Variants in USH2A observed in about 807,000 individuals in gnomAD.
The protein encoded by USH2A is Usher syndrome 2A (autosomal recessive, mild).
A neutral mutation model predicts 538.9 loss-of-function variants in USH2A; 443 were observed. That is an observed-to-expected ratio of 0.82 (90% confidence interval 0.76 to 0.89). The LOEUF (loss-of-function observed/expected upper bound fraction) is 0.89. USH2A is among the 40% of genes least tolerant of loss of function. The pLI, the probability that USH2A is intolerant of heterozygous loss-of-function variation, is 0.00. For missense variants in USH2A, 6,633 were observed against 6,324.8 expected, an observed-to-expected ratio of 1.05 and a Z score of -1.65; for synonymous variants, 2,413 against 2,273.5, an observed-to-expected ratio of 1.06 and a Z score of -1.75.
chr1:215,845,694 T>A (rs1663820021), intron 45 of USH2A, 130 bp downstream of exon 45: 7 of 929,906 alleles, frequency 7.5e-6, no homozygotes, highest in Non-Finnish European at 1.2e-5. Context: ...CTTAAGCATT[T>A]TAGCCTCCAC....
At chr1:215,640,439 G>C in intron 68 of USH2A, 119 bp downstream of exon 68, 3 of 1,303,586 alleles carry the variant, frequency 2.3e-6, no homozygotes, top group Non-Finnish European at 3.3e-6. Context: ...CAAGAAGGGG[G>C]CACTTAAACC....
intron 14 of USH2A, among the ~76,000 whole-genome samples, chr1:216,224,756 G>C (rs922395085): frequency 2.6e-5 from 4 of 152,082 alleles, no homozygotes; most frequent in African/African-American, 9.7e-5. Flanking sequence ...CCAACAAATA[G>C]AGCATGAAGA....
intron 61 of USH2A, among the ~76,000 whole-genome samples, chr1:215,703,334 A>T (rs1659087519): frequency 6.6e-6 from 1 of 152,170 alleles, no homozygotes; most frequent in African/African-American, 2.4e-5. Flanking sequence ...AGCGGAGCTC[A>T]AGTGCTGTGC....
chr1:215,867,633 C>T (rs143451349), intron 43 of USH2A, among the ~76,000 whole-genome samples: 30 of 152,288 alleles, frequency 2.0e-4, no homozygotes, highest in African/African-American at 6.5e-4. Flanking sequence ...TCTTCCGATA[C>T]CTATGCTTCT....
chr1:216,040,150 C>T lies in USH2A; in HGVS notation c.6325+6281G>A, dbSNP rs1319469474. Among the ~76,000 whole-genome samples the T allele has an allele frequency of 2.6e-5, 4 of 151,652 alleles. No homozygotes were observed. In the South Asian group the frequency reaches 6.2e-4, roughly 24 times the overall value. ...CTGCCTCAGTCTTAGTGATAGAAAT[C>T]CAGGTCCTGATGGAACAGCAGTGGG... is the stretch of plus-strand genomic sequence containing the variant. On this transcript the variant is annotated intron_variant, in intron 32 of 71. Coordinates refer to ENST00000307340, the MANE Select transcript of USH2A (RefSeq NM_206933.4).
At chr1:216,357,987 T>C (rs1341197672) in intron 4 of USH2A, among the ~76,000 whole-genome samples, 2 of 152,178 alleles carry the variant, frequency 1.3e-5, no homozygotes, top group African/African-American at 4.8e-5. Context: ...TTTCTATTTG[T>C]ATACATAAAA....
chr1:215,640,633 C>T lies in USH2A; in HGVS notation c.14893G>A (p.Val4965Met), dbSNP rs149289393. Reference protein sequence around the residue: ...FLLNGQLKEYVLTDGGRRVYS... With the variant: ...FLLNGQLKEYMLTDGGRRVYS... ...ACGCGTCGCCCTCCGTCGGTTAACA[C>T]GTACTCCTTCAGTTGGCCGTTCAGG... Residue 4965 changes from valine (V) to methionine (M), a missense_variant, in exon 68 of 72, where the codon GTG becomes ATG. Coordinates refer to ENST00000307340, the MANE Select transcript of USH2A (RefSeq NM_206933.4). 6 of 1,613,908 alleles carry T rather than the reference C, an allele frequency of 3.7e-6. No homozygotes were observed. The highest frequency in any genetic ancestry group is 3.3e-5 in the Admixed American group (2 of 59,992).
chr1:215,909,881 C>A (rs1665732563), intron 38 of USH2A, among the ~76,000 whole-genome samples: 1 of 151,896 alleles, frequency 6.6e-6, no homozygotes, highest in Non-Finnish European at 1.5e-5. Flanking sequence ...GGATGCTTGA[C>A]TCCTAAGCTT....
chr1:216,062,790 T>C (rs1019645562), intron 30 of USH2A, among the ~76,000 whole-genome samples: 7 of 152,144 alleles, frequency 4.6e-5, no homozygotes, highest in African/African-American at 1.4e-4. Flanking sequence ...ATATACAATA[T>C]TGAAAATTGC....
At chr1:216,371,807 G>A (rs1021168648) in intron 3 of USH2A, among the ~76,000 whole-genome samples, 11 of 151,992 alleles carry the variant, frequency 7.2e-5, no homozygotes, top group South Asian at 2.1e-4. Flanking sequence ...TTGATACCCC[G>A]AAAATGAAAA....
intron 32 of USH2A, among the ~76,000 whole-genome samples, chr1:216,010,825 T>G (rs1451690192): frequency 6.6e-6 from 1 of 151,934 alleles, no homozygotes; most frequent in Non-Finnish European, 1.5e-5. Flanking sequence ...TACATCTCAT[T>G]GCTGCCCCTC....
intron 3 of USH2A, among the ~76,000 whole-genome samples, chr1:216,372,834 A>G (rs2038740483): frequency 6.6e-6 from 1 of 152,188 alleles, no homozygotes; most frequent in Non-Finnish European, 1.5e-5. Flanking sequence ...TCATCACAAT[A>G]TTAGATACTC....
chr1:215,973,595 T>G (rs1024317901), intron 35 of USH2A, among the ~76,000 whole-genome samples: 1 of 152,004 alleles, frequency 6.6e-6, no homozygotes, highest in Non-Finnish European at 1.5e-5. Flanking sequence ...GTGTCATTGT[T>G]TGAGTTCTTC....
chr1:215,950,723 G>T (rs1053678449), intron 37 of USH2A, among the ~76,000 whole-genome samples: 1 of 151,718 alleles, frequency 6.6e-6, no homozygotes, highest in Non-Finnish European at 1.5e-5. Flanking sequence ...TCTTGGACAG[G>T]CTGGTCTTGA....
chr1:215,830,452 TA>T (rs1000353763), intron 47 of USH2A, among the ~76,000 whole-genome samples: 3 of 151,506 alleles, frequency 2.0e-5, no homozygotes, highest in African/African-American at 7.3e-5. Flanking sequence ...AAGTCCTTGT[TA>T]TTTTTTTTTC....
intron 37 of USH2A, among the ~76,000 whole-genome samples, chr1:215,948,732 A>AT (rs1405414294): frequency 6.6e-6 from 1 of 151,870 alleles, no homozygotes; most frequent in African/African-American, 2.4e-5. Context: ...CACCTATCTA[A>AT]TTTTTTTCTA....
At chr1:215,641,801 G>A (rs1656693912) in intron 67 of USH2A, among the ~76,000 whole-genome samples, 2 of 152,112 alleles carry the variant, frequency 1.3e-5, no homozygotes, top group Admixed American at 6.6e-5. Flanking sequence ...TTTTGTAATT[G>A]TAATATTCAA....
chr1:216,279,686 A>G (rs2036735671), intron 11 of USH2A, among the ~76,000 whole-genome samples: 1 of 152,142 alleles, frequency 6.6e-6, no homozygotes, highest in Non-Finnish European at 1.5e-5. Flanking sequence ...CACCATCTTG[A>G]CTACAGTGGC....
intron 15 of USH2A, among the ~76,000 whole-genome samples, chr1:216,210,061 T>C (rs1046114354): frequency 1.3e-5 from 2 of 152,118 alleles, no homozygotes; most frequent in Admixed American, 6.6e-5. Flanking sequence ...TCCTGCCCCA[T>C]GCCCTGGAGG....
Sources: allele counts gnomAD v4.1 joint callset (sites outside exome capture counted in the v4.1 genomes callset), GRCh38; gene constraint gnomAD v4.1.1; transcripts MANE v1.5; gene names NCBI Gene and HGNC (gene_info 2026-07-23, HGNC 2026-07-21).